Variants in MEI4 observed in about 807,000 individuals in gnomAD.
MEI4 encodes the protein meiotic double-stranded break formation protein 4.
A neutral mutation model predicts 31.4 loss-of-function variants in MEI4; 27 were observed. The observed-to-expected ratio is 0.86, with a 90% confidence interval of 0.63 to 1.19. The LOEUF (loss-of-function observed/expected upper bound fraction) is 1.19. Among genes scored for constraint, MEI4 ranks in the 50% most tolerant of loss-of-function variants. MEI4 has a pLI of 0.00. For missense variants in MEI4, 329 were observed against 398.9 expected (o/e 0.82, Z 1.49); for synonymous variants, 122 against 145.4 (o/e 0.84, Z 1.16).
chr6:77,687,022 G>A (rs866325752), intron 1 of MEI4, among the ~76,000 whole-genome samples: 1 of 151,894 alleles, frequency 6.6e-6, no homozygotes, highest in Non-Finnish European at 1.5e-5. Flanking sequence ...AATTAGGGCA[G>A]GAGAAATAAA....
chr6:77,754,300 G>A (rs928533928), intron 2 of MEI4, among the ~76,000 whole-genome samples: 2 of 151,876 alleles, frequency 1.3e-5, no homozygotes, highest in African/African-American at 4.8e-5. Context: ...AACAAACAAG[G>A]CTCCAAAGAT....
At chr6:77,875,133 C>T (rs1316422894) in intron 4 of MEI4, among the ~76,000 whole-genome samples, 1 of 152,170 alleles carries the variant, frequency 6.6e-6, no homozygotes, top group Admixed American at 6.5e-5. Context: ...AGGCCTTCAG[C>T]TTCCTTGAGG....
At chr6:77,756,799 T>G (rs1473596568) in intron 2 of MEI4, among the ~76,000 whole-genome samples, 1 of 152,122 alleles carries the variant, frequency 6.6e-6, no homozygotes, top group African/African-American at 2.4e-5. Context: ...TTATAAATAT[T>G]AAAGATGACA....
intron 3 of MEI4, among the ~76,000 whole-genome samples, chr6:77,800,450 A>G (rs533566444): frequency 1.3e-5 from 2 of 152,326 alleles, no homozygotes; most frequent in African/African-American, 2.4e-5. Flanking sequence ...AACAGGGACA[A>G]TTTGACTTCC....
At chr6:77,860,151 G>A (rs1770834315) in intron 4 of MEI4, among the ~76,000 whole-genome samples, 1 of 152,204 alleles carries the variant, frequency 6.6e-6, no homozygotes, top group Non-Finnish European at 1.5e-5. Flanking sequence ...ACTAGACTGA[G>A]ACTCAGTATC....
At chr6:77,915,441 A>C (rs1296973853) in intron 4 of MEI4, among the ~76,000 whole-genome samples, 1 of 151,744 alleles carries the variant, frequency 6.6e-6, no homozygotes, top group Non-Finnish European at 1.5e-5. Flanking sequence ...CTTTTTTTAG[A>C]CTTTGAATAA....
intron 3 of MEI4, among the ~76,000 whole-genome samples, chr6:77,768,966 G>T (rs1768241973): frequency 6.6e-6 from 1 of 152,138 alleles, no homozygotes; most frequent in South Asian, 2.1e-4. Flanking sequence ...AGGAATTGCT[G>T]TACCCCCTTT....
At chr6:77,802,975 T>A (rs1184896795) in intron 3 of MEI4, among the ~76,000 whole-genome samples, 1 of 152,152 alleles carries the variant, frequency 6.6e-6, no homozygotes, top group East Asian at 1.9e-4. Context: ...TCGAGGAGTA[T>A]CTTTGTGGCA....
At chr6:77,802,113 T>C (rs974165245) in intron 3 of MEI4, among the ~76,000 whole-genome samples, 3 of 152,176 alleles carry the variant, frequency 2.0e-5, no homozygotes, top group African/African-American at 7.2e-5. Flanking sequence ...CTAAGTCTCT[T>C]TGTAGGTCTC....
At chr6:77,747,771 T>G (rs1211662385) in intron 2 of MEI4, among the ~76,000 whole-genome samples, 2 of 152,200 alleles carry the variant, frequency 1.3e-5, no homozygotes, top group African/African-American at 4.8e-5. Context: ...TTAGCATTAC[T>G]AAAAAATTCA....
chr6:77,782,985 T>C (rs1193107862), intron 3 of MEI4, among the ~76,000 whole-genome samples: 4 of 151,914 alleles, frequency 2.6e-5, no homozygotes, highest in African/African-American at 9.7e-5. Flanking sequence ...ATTATGTTTT[T>C]TTGAAAATCT....
At chr6:77,658,009 G>A (rs936826770) in intron 1 of MEI4, among the ~76,000 whole-genome samples, 1 of 152,210 alleles carries the variant, frequency 6.6e-6, no homozygotes, top group African/African-American at 2.4e-5. Flanking sequence ...AATCATGGCT[G>A]TATAGTAGTT....
At chr6:77,684,908 T>G (rs1033177138) in intron 1 of MEI4, among the ~76,000 whole-genome samples, 4 of 152,128 alleles carry the variant, frequency 2.6e-5, no homozygotes, top group African/African-American at 9.7e-5. Flanking sequence ...AATTTTTAGT[T>G]TTTTTGAGGA....
intron 4 of MEI4, among the ~76,000 whole-genome samples, chr6:77,909,795 T>C (rs183857049): frequency 1.2e-4 from 19 of 152,276 alleles, no homozygotes; most frequent in Middle Eastern, 6.8e-3. Flanking sequence ...TGAACATCCA[T>C]GCAAAAATCC....
intron 4 of MEI4, among the ~76,000 whole-genome samples, chr6:77,903,769 T>C (rs1021884591): frequency 6.6e-6 from 1 of 152,298 alleles, no homozygotes; most frequent in African/African-American, 2.4e-5. Context: ...TCAAATGCCT[T>C]TTCTGTATCT....
At chr6:77,768,254 C>T (rs566975328) in intron 3 of MEI4, among the ~76,000 whole-genome samples, 80 of 151,540 alleles carry the variant, frequency 5.3e-4, no homozygotes, top group Admixed American at 1.3e-3. Context: ...TTTTTTTTTC[C>T]TAAGTGCAAA....
At chr6:77,897,516 TTA>T (rs751445348) in intron 4 of MEI4, among the ~76,000 whole-genome samples, 2 of 151,714 alleles carry the variant, frequency 1.3e-5, no homozygotes, top group Admixed American at 6.6e-5. Context: ...TTTAAAATTG[TTA>T]TATATATATA....
At chr6:77,894,310 A>G (rs891305959) in intron 4 of MEI4, among the ~76,000 whole-genome samples, 5 of 152,178 alleles carry the variant, frequency 3.3e-5, no homozygotes, top group Non-Finnish European at 5.9e-5. Context: ...GACAAGGGTG[A>G]CTTACACTGT....
chr6:77,747,466 C>T (rs963624904), intron 2 of MEI4, among the ~76,000 whole-genome samples: 11 of 152,104 alleles, frequency 7.2e-5, no homozygotes, highest in African/African-American at 2.7e-4. Flanking sequence ...TGTTACATGG[C>T]AGCAGGTGAG....
Sources: allele counts gnomAD v4.1 joint callset (sites outside exome capture counted in the v4.1 genomes callset), GRCh38; gene constraint gnomAD v4.1.1; transcripts MANE v1.5; gene names NCBI Gene and HGNC (gene_info 2026-07-23, HGNC 2026-07-21).